KIAA0232: variants seen among roughly 807,000 people sequenced by gnomAD.
The protein encoded by KIAA0232 is uncharacterized protein KIAA0232.
KIAA0232 carries 27 observed loss-of-function variants against 122.0 expected under a neutral mutation model. The ratio of observed to expected loss-of-function variants is 0.22; its 90% CI spans 0.16 to 0.31. KIAA0232 has a LOEUF of 0.31. Ranked by LOEUF, KIAA0232 falls within the 10% of genes least tolerant of loss-of-function variation. KIAA0232 has a pLI of 1.00. For missense variants in KIAA0232, 1,551 were observed against 1,634.2 expected (o/e 0.95, Z 0.88); for synonymous variants, 613 against 587.6 (o/e 1.04, Z -0.63).
intron 3 of KIAA0232, among the ~76,000 whole-genome samples, chr4:6,841,643 A>G (rs1719668392): frequency 6.6e-6 from 1 of 152,212 alleles, no homozygotes; most frequent in African/African-American, 2.4e-5. Flanking sequence ...GTCACATATG[A>G]CATGATCTTG....
chr4:6,821,067 A>G (rs1718399912), intron 2 of KIAA0232, among the ~76,000 whole-genome samples: 1 of 152,224 alleles, frequency 6.6e-6, no homozygotes, highest in Non-Finnish European at 1.5e-5. Context: ...CTTACCTCTT[A>G]ATACCATCAC....
At chr4:6,789,439 A>G (rs2108863943) in intron 1 of KIAA0232, among the ~76,000 whole-genome samples, 1 of 151,666 alleles carries the variant, frequency 6.6e-6, no homozygotes, top group African/African-American at 2.4e-5. Context: ...ATGCCCGGCT[A>G]ATTTTTTATT....
intron 9 of KIAA0232, among the ~76,000 whole-genome samples, chr4:6,878,516 G>A (rs1188738447): frequency 3.9e-5 from 6 of 152,078 alleles, no homozygotes; most frequent in East Asian, 1.9e-4. Context: ...TGTTTTTAAC[G>A]AAGGAGGAAA....
chr4:6,820,402 G>T (rs1192306574), intron 2 of KIAA0232, among the ~76,000 whole-genome samples: 4 of 151,910 alleles, frequency 2.6e-5, no homozygotes, highest in Non-Finnish European at 2.9e-5. Flanking sequence ...TTAAGTGGAG[G>T]GTTTGTTTTT....
At chr4:6,874,391 A>C (rs928713708) in intron 8 of KIAA0232, among the ~76,000 whole-genome samples, 6 of 152,094 alleles carry the variant, frequency 3.9e-5, no homozygotes, top group African/African-American at 1.4e-4. Flanking sequence ...CCCCAACATG[A>C]CTGGCAAAGA....
At chr4:6,822,191 G>A (rs1577373166) in intron 2 of KIAA0232, among the ~76,000 whole-genome samples, 1 of 152,118 alleles carries the variant, frequency 6.6e-6, no homozygotes, top group Admixed American at 6.6e-5. Flanking sequence ...AAGTCAGTTG[G>A]AAAAGTTCAG....
At chr4:6,794,981 A>T (rs1181898651) in intron 1 of KIAA0232, among the ~76,000 whole-genome samples, 1 of 152,216 alleles carries the variant, frequency 6.6e-6, no homozygotes, top group Admixed American at 6.5e-5. Flanking sequence ...AGGATGGAGC[A>T]GTCTCTGCAT....
At chr4:6,877,062 C>G (rs529069548) in intron 9 of KIAA0232, among the ~76,000 whole-genome samples, 1 of 152,284 alleles carries the variant, frequency 6.6e-6, no homozygotes, top group Admixed American at 6.5e-5. Context: ...GACCCTGTTG[C>G]TCCTTGGGTG....
chr4:6,858,519 GTA>G lies in KIAA0232; in HGVS notation c.518+15_518+16del, dbSNP rs1296241453. 2 of 1,554,870 alleles carry G rather than the reference GTA, an allele frequency of 1.3e-6. No individual in the cohort carries two copies. The highest frequency in any genetic ancestry group is 8.8e-7 in the Non-Finnish European group (1 of 1,134,154). On this transcript the variant is annotated intron_variant, in intron 6 of 9. Coordinates refer to ENST00000307659, the MANE Select transcript of KIAA0232 (RefSeq NM_014743.3). ...ATCAAGTGGAAATGTATGTAAGATTGTATTCGGTAATAAAGTGTGCATTTGTT... is the reference window on the plus strand; with the variant it reads ...ATCAAGTGGAAATGTATGTAAGATTGTTCGGTAATAAAGTGTGCATTTGTT...
intron 4 of KIAA0232, among the ~76,000 whole-genome samples, chr4:6,845,426 G>T (rs1719899916): frequency 6.6e-6 from 1 of 152,066 alleles, no homozygotes; most frequent in Admixed American, 6.5e-5. Context: ...GAACTCCTGG[G>T]CTCAAGACAT....
chr4:6,841,287 G>A (rs1003330607), intron 3 of KIAA0232, among the ~76,000 whole-genome samples: 1 of 152,142 alleles, frequency 6.6e-6, no homozygotes, highest in African/African-American at 2.4e-5. Context: ...TTTTCATACT[G>A]GATACGCAGT....
At chr4:6,821,202 T>G (rs1718404514) in intron 2 of KIAA0232, among the ~76,000 whole-genome samples, 1 of 152,204 alleles carries the variant, frequency 6.6e-6, no homozygotes, top group Non-Finnish European at 1.5e-5. Flanking sequence ...ATTTTGAAAG[T>G]TTTTAATTTT....
chr4:6,824,143 TTATA>T (rs1718557405), intron 2 of KIAA0232, 38 bp from the exon 3 acceptor site: 2 of 446,854 alleles, frequency 4.5e-6, no homozygotes, highest in African/African-American at 3.9e-5. Context: ...AATTTATTAT[TTATA>T]TATAATGCAT....
At chr4:6,803,598 A>G (rs996848795) in intron 1 of KIAA0232, among the ~76,000 whole-genome samples, 1 of 152,240 alleles carries the variant, frequency 6.6e-6, no homozygotes, top group African/African-American at 2.4e-5. Context: ...TTTCATATTC[A>G]CTTAAAGAGA....
At chr4:6,822,300 G>A (rs1169705415) in intron 2 of KIAA0232, among the ~76,000 whole-genome samples, 1 of 152,164 alleles carries the variant, frequency 6.6e-6, no homozygotes, top group Non-Finnish European at 1.5e-5. Flanking sequence ...AGCAAAACAT[G>A]TATTAGTGAC....
At chr4:6,826,957 A>T (rs1266580386) in intron 3 of KIAA0232, among the ~76,000 whole-genome samples, 5 of 152,192 alleles carry the variant, frequency 3.3e-5, no homozygotes, top group Non-Finnish European at 7.3e-5. Context: ...CAGAGATAAG[A>T]TGAACTATCA....
intron 4 of KIAA0232, among the ~76,000 whole-genome samples, chr4:6,851,978 G>T (rs930308673): frequency 1.3e-5 from 2 of 151,914 alleles, no homozygotes; most frequent in Non-Finnish European, 2.9e-5. Context: ...AGCCTCGATT[G>T]GTCATATTAT....
chr4:6,804,295 G>T (rs531522528), intron 1 of KIAA0232, among the ~76,000 whole-genome samples: 1 of 152,242 alleles, frequency 6.6e-6, no homozygotes, highest in South Asian at 2.1e-4. Context: ...TCTTGTTCTG[G>T]TACATGAACA....
chr4:6,830,594 A>T (rs1274782330), intron 3 of KIAA0232, among the ~76,000 whole-genome samples: 2 of 151,710 alleles, frequency 1.3e-5, no homozygotes, highest in African/African-American at 4.8e-5. Flanking sequence ...TTTAGTAGAC[A>T]CAGGGTTTCA....
Sources: gnomAD v4.1 joint callset for allele counts (sites outside exome capture counted in the v4.1 genomes callset) on GRCh38, gnomAD v4.1.1 for gene constraint, MANE v1.5 for transcripts, NCBI Gene and HGNC (gene_info 2026-07-23, HGNC 2026-07-21) for gene names.